Variants in RAB38 observed in about 807,000 individuals in gnomAD.
RAB38 encodes the protein RAB38, member RAS oncogene family.
RAB38 carries 15 observed loss-of-function variants against 18.4 expected under a neutral mutation model. The observed-to-expected ratio is 0.82, with a 90% CI of 0.55 to 1.26. The LOEUF is 1.26. Ranked by LOEUF, RAB38 falls within the 50% of genes most tolerant of loss-of-function variation. The pLI is 0.00. For synonymous variants in RAB38, 101 were observed against 104.4 expected, an observed-to-expected ratio of 0.97 and a Z score of 0.20; for missense variants, 294 against 267.4, an observed-to-expected ratio of 1.10 and a Z score of -0.69.
chr11:87,848,926 A>G, the RAB38 span, among the ~76,000 whole-genome samples: 17,114 of 152,042 alleles, frequency 0.11, 1,259 homozygotes, highest in African/African-American at 0.2. Flanking sequence ...ATGTGGCCAC[A>G]TTTTTAGTGT....
the RAB38 span, among the ~76,000 whole-genome samples, chr11:87,905,684 T>A: frequency 3.3e-5 from 5 of 151,912 alleles, no homozygotes; most frequent in Admixed American, 6.6e-5. Flanking sequence ...ATACAAGCTT[T>A]GGAATCTTCA....
chr11:87,862,218 A>G, the RAB38 span, among the ~76,000 whole-genome samples: 3 of 152,036 alleles, frequency 2.0e-5, no homozygotes, highest in African/African-American at 7.2e-5. Context: ...GGATATGTTC[A>G]TTGCAGCCCT....
At chr11:88,046,391 C>T in the RAB38 span, among the ~76,000 whole-genome samples, 1 of 152,154 alleles carries the variant, frequency 6.6e-6, no homozygotes, top group South Asian at 2.1e-4. Context: ...CTCTCCTATC[C>T]TCAATACCTC....
At chr11:88,120,807 C>T (rs150474560) in intron 2 of RAB38, among the ~76,000 whole-genome samples, 45 of 152,266 alleles carry the variant, frequency 3.0e-4, no homozygotes, top group Non-Finnish European at 2.4e-4. Context: ...TCCCCGCTTA[C>T]GTACCAAAAG....
At chr11:88,166,486 G>A (rs917813474) in intron 1 of RAB38, 3 of 152,140 alleles carry the variant, frequency 2.0e-5, no homozygotes, top group African/African-American at 7.2e-5. Flanking sequence ...GTGGGCCTGA[G>A]AAACTAATGT....
chr11:87,916,466 G>A, the RAB38 span, among the ~76,000 whole-genome samples: 1 of 152,034 alleles, frequency 6.6e-6, no homozygotes, highest in East Asian at 1.9e-4. Context: ...TATAAAGTGA[G>A]GGTGCCCCTT....
At chr11:87,956,907 C>A in the RAB38 span, among the ~76,000 whole-genome samples, 1 of 151,950 alleles carries the variant, frequency 6.6e-6, no homozygotes, top group Non-Finnish European at 1.5e-5. Context: ...TGAAGTTTCA[C>A]CCTGTTTTTT....
At chr11:88,163,070 T>C (rs1266215526) in intron 1 of RAB38, among the ~76,000 whole-genome samples, 1 of 152,142 alleles carries the variant, frequency 6.6e-6, no homozygotes, top group African/African-American at 2.4e-5. Context: ...GATCATTCGC[T>C]CAACCATTTG....
chr11:88,094,759 C>T, the RAB38 span, among the ~76,000 whole-genome samples: 4 of 151,936 alleles, frequency 2.6e-5, no homozygotes, highest in South Asian at 8.3e-4. Context: ...TTTGATCTCA[C>T]TTTAAATTTG....
chr11:87,907,957 G>T, the RAB38 span, among the ~76,000 whole-genome samples: 8 of 151,640 alleles, frequency 5.3e-5, no homozygotes, highest in Non-Finnish European at 8.8e-5. Context: ...TATACTATTA[G>T]AAAATGATGT....
At chr11:87,839,995 C>G in the RAB38 span, among the ~76,000 whole-genome samples, 1 of 152,188 alleles carries the variant, frequency 6.6e-6, no homozygotes, top group Non-Finnish European at 1.5e-5. Flanking sequence ...AAGACTAGAT[C>G]TCATTATGTA....
chr11:87,859,769 T>C, the RAB38 span, among the ~76,000 whole-genome samples: 1 of 152,062 alleles, frequency 6.6e-6, no homozygotes, highest in Non-Finnish European at 1.5e-5. Flanking sequence ...CTTACTTCTT[T>C]TTCTGCTTCT....
At chr11:87,933,707 CA>C in the RAB38 span, among the ~76,000 whole-genome samples, 4,700 of 122,358 alleles carry the variant, frequency 0.038, 119 homozygotes, top group African/African-American at 0.097. Flanking sequence ...TGCATGGAGC[CA>C]AAAAAAAAAA....
chr11:88,159,569 C>T (rs1477547421), intron 1 of RAB38, among the ~76,000 whole-genome samples: 1 of 151,954 alleles, frequency 6.6e-6, no homozygotes, highest in Non-Finnish European at 1.5e-5. Flanking sequence ...CATCACATTA[C>T]TCAACTTCAA....
At chr11:87,953,727 TATTACCTGAA>T in the RAB38 span, among the ~76,000 whole-genome samples, 1 of 152,142 alleles carries the variant, frequency 6.6e-6, no homozygotes, top group Admixed American at 6.6e-5. Context: ...TCTTGCAACA[TATTACCTGAA>T]GATAAGGGGA....
chr11:87,923,974 A>C, the RAB38 span, among the ~76,000 whole-genome samples: 13,321 of 148,332 alleles, frequency 0.09, 672 homozygotes, highest in South Asian at 0.17. Flanking sequence ...AAAAAAAAAA[A>C]CACATTTCTA....
At chr11:87,877,967 C>T in the RAB38 span, among the ~76,000 whole-genome samples, 3 of 151,004 alleles carry the variant, frequency 2.0e-5, no homozygotes, top group Admixed American at 6.6e-5. Context: ...AGGCACTAAG[C>T]GTGCCTGACT....
the RAB38 span, among the ~76,000 whole-genome samples, chr11:88,074,448 TC>T: frequency 6.6e-6 from 1 of 152,216 alleles, no homozygotes; most frequent in Non-Finnish European, 1.5e-5. Context: ...GATATTCTTT[TC>T]TTTCTGATCT....
chr11:88,018,755 T>C, the RAB38 span, among the ~76,000 whole-genome samples: 22 of 152,182 alleles, frequency 1.4e-4, no homozygotes, highest in African/African-American at 5.3e-4. Context: ...AGCTTACTTA[T>C]AATATCTAAT....
Sources: allele counts gnomAD v4.1 joint callset (sites outside exome capture counted in the v4.1 genomes callset), GRCh38; gene constraint gnomAD v4.1.1; transcripts MANE v1.5; gene names NCBI Gene and HGNC (gene_info 2026-07-23, HGNC 2026-07-21).